TMEM74: variants seen among roughly 807,000 people sequenced by gnomAD.
The protein encoded by TMEM74 is transmembrane protein 74.
A neutral mutation model predicts 18.1 loss-of-function variants in TMEM74; 13 were observed. That is an observed-to-expected ratio of 0.72 (90% CI 0.47 to 1.14). The LOEUF is 1.14. TMEM74 is among the 50% of genes most tolerant of loss of function. The probability of loss-of-function intolerance (pLI) is 0.00; values close to 1 mark genes in which losing one functional copy is unlikely to be tolerated. For missense variants in TMEM74, 372 were observed against 375.9 expected, an observed-to-expected ratio of 0.99 and a Z score of 0.09; for synonymous variants, 159 against 146.6, an observed-to-expected ratio of 1.08 and a Z score of -0.61.
At chr8:108,673,137 G>A (rs1813020133) in intron 1 of TMEM74, among the ~76,000 whole-genome samples, 1 of 152,178 alleles carries the variant, frequency 6.6e-6, no homozygotes, top group African/African-American at 2.4e-5. Context: ...AATGCCCAAG[G>A]AAGTAATAGC....
intron 1 of TMEM74, among the ~76,000 whole-genome samples, chr8:108,707,744 A>G (rs1468079617): frequency 1.3e-5 from 2 of 152,170 alleles, no homozygotes; most frequent in Non-Finnish European, 2.9e-5. Context: ...AAAATCTTAG[A>G]AGGAAACATA....
At chr8:108,671,295 T>A (rs1480109578) in intron 1 of TMEM74, among the ~76,000 whole-genome samples, 1 of 152,140 alleles carries the variant, frequency 6.6e-6, no homozygotes, top group East Asian at 1.9e-4. Flanking sequence ...TCCCACAATA[T>A]CTTGGTTTTC....
intron 1 of TMEM74, among the ~76,000 whole-genome samples, chr8:108,678,613 T>C (rs1005460489): frequency 6.6e-6 from 1 of 151,124 alleles, no homozygotes; most frequent in African/African-American, 2.4e-5. Context: ...CCTCAAGTGA[T>C]CCTCCCGCTT....
chr8:108,625,740 C>A (rs1049165631), intron 2 of TMEM74, among the ~76,000 whole-genome samples: 22 of 151,878 alleles, frequency 1.4e-4, no homozygotes, highest in African/African-American at 5.3e-4. Flanking sequence ...TTGATAAAAT[C>A]TAGTTATTTT....
intron 1 of TMEM74, among the ~76,000 whole-genome samples, chr8:108,747,414 G>A (rs888106779): frequency 3.9e-5 from 6 of 152,134 alleles, no homozygotes; most frequent in African/African-American, 1.4e-4. Flanking sequence ...CAGGGTAAAG[G>A]TGAAATGTGG....
chr8:108,772,174 A>T (rs1814180668), intron 1 of TMEM74, among the ~76,000 whole-genome samples: 1 of 134,798 alleles, frequency 7.4e-6, no homozygotes, highest in Admixed American at 6.9e-5. Flanking sequence ...GTCCAGGTGG[A>T]ATTCATTGTT....
rs1238243506 is a variant in TMEM74, at chr8:108,678,544, TG to T, written n.120-23108del. Among the ~76,000 whole-genome samples, 59 of 150,182 alleles carry T rather than the reference TG, an allele frequency of 3.9e-4. No individual in the cohort carries two copies. In the South Asian group the frequency reaches 0.012, roughly 31 times the overall value. On this transcript the variant is annotated intron_variant and non_coding_transcript_variant, in intron 1 of 3. Coordinates refer to the TMEM74 transcript ENST00000518838. ...TGCACCCAGCTATTTTTTTTTTTTT[TG>T]TATTTTTAGTAGAGACAAGGTCTCG...
chr8:108,742,940 T>C (rs1363813079), intron 1 of TMEM74, among the ~76,000 whole-genome samples: 2 of 152,218 alleles, frequency 1.3e-5, no homozygotes, highest in Non-Finnish European at 2.9e-5. Flanking sequence ...AGGAAAGCCG[T>C]AAATCAATAG....
At chr8:108,753,004 C>G (rs1166989182) in intron 1 of TMEM74, among the ~76,000 whole-genome samples, 1 of 152,034 alleles carries the variant, frequency 6.6e-6, no homozygotes, top group African/African-American at 2.4e-5. Flanking sequence ...CACAGCCATA[C>G]TTTTGTCACA....
intron 1 of TMEM74, among the ~76,000 whole-genome samples, chr8:108,751,929 T>C (rs913546876): frequency 5.9e-5 from 9 of 152,114 alleles, no homozygotes; most frequent in African/African-American, 2.2e-4. Flanking sequence ...GCAGGGAACT[T>C]GCCTTACCAG....
downstream of TMEM74, among the ~76,000 whole-genome samples, chr8:108,777,585 G>C (rs957019280): frequency 1.4e-4 from 21 of 152,050 alleles, no homozygotes; most frequent in African/African-American, 5.1e-4. Context: ...ATTTTCTTTA[G>C]TTTATAAAAT....
In TMEM74 at chr8:108,619,644, C is replaced by T. The variant is rs182316389; in HGVS notation, n.265-10818G>A. 2.0e-3 allele frequency among the ~76,000 whole-genome samples: 311 copies of T among 152,292 alleles called. 1 individual carries two copies. Among genetic ancestry groups the T allele is most frequent in the African/African-American group, 7.0e-3 (293 of 41,574 alleles). On this transcript the variant is annotated intron_variant and non_coding_transcript_variant, in intron 2 of 3. Coordinates refer to the TMEM74 transcript ENST00000518838. ...CTTTCCAGTAGGAGCTTAAGCATAGCTCCTGCTCTGAAAGAGTTGAAGCCT... is the reference window on the plus strand; with the variant it reads ...CTTTCCAGTAGGAGCTTAAGCATAGTTCCTGCTCTGAAAGAGTTGAAGCCT...
chr8:108,629,952 T>C (rs538084967), intron 2 of TMEM74, among the ~76,000 whole-genome samples: 2 of 152,190 alleles, frequency 1.3e-5, no homozygotes, highest in South Asian at 4.1e-4. Flanking sequence ...CCAGCGAGCA[T>C]CTTGATTACA....
At chr8:108,690,195 A>T (rs1813211349) in intron 1 of TMEM74, among the ~76,000 whole-genome samples, 1 of 152,132 alleles carries the variant, frequency 6.6e-6, no homozygotes, top group African/African-American at 2.4e-5. Context: ...GCTTAATTGA[A>T]ATTCATCAGT....
intron 1 of TMEM74, among the ~76,000 whole-genome samples, chr8:108,733,500 T>C (rs1813716276): frequency 6.6e-6 from 1 of 152,094 alleles, no homozygotes; most frequent in Admixed American, 6.5e-5. Context: ...GGAGAGGAGT[T>C]ACTGGAAAGG....
Position 108,784,891 on chromosome 8 carries a change from A to G in TMEM74, c.208T>C (p.Ser70Pro). Residue 70 changes from serine (S) to proline (P), a missense_variant, in exon 2 of 2, where the codon TCT becomes CCT. Ser to Pro is a moderately conservative substitution (Grantham distance 74, BLOSUM62 -1). Coordinates refer to ENST00000297459, the MANE Select transcript of TMEM74 (RefSeq NM_153015.3). Reference sequence around the variant, plus strand: ...GGCTGAAGAGTACTGTTTTGCAGAGAGGAGGAGGGGGATGCTGGAGAAGAA... The same window carrying G: ...GGCTGAAGAGTACTGTTTTGCAGAGGGGAGGAGGGGGATGCTGGAGAAGAA... ...LSSSPASPSS[S>P]LQNSTLQPDA... The G allele has an allele frequency of 1.2e-6, 2 of 1,614,078 alleles. No homozygotes were observed. The highest frequency in any genetic ancestry group is 1.7e-6 in the Non-Finnish European group (2 of 1,180,006).
At chr8:108,676,834 T>A (rs1813060471) in intron 1 of TMEM74, among the ~76,000 whole-genome samples, 1 of 152,192 alleles carries the variant, frequency 6.6e-6, no homozygotes, top group Non-Finnish European at 1.5e-5. Flanking sequence ...GAATAAATAA[T>A]GACTTCTTGT....
At chr8:108,682,322 A>T (rs995916504) in intron 1 of TMEM74, among the ~76,000 whole-genome samples, 1 of 151,984 alleles carries the variant, frequency 6.6e-6, no homozygotes, top group African/African-American at 2.4e-5. Context: ...CCTAACATCT[A>T]TCATCATTCT....
chr8:108,632,743 CTG>C (rs777166062), intron 2 of TMEM74, among the ~76,000 whole-genome samples: 39 of 152,046 alleles, frequency 2.6e-4, no homozygotes, highest in Non-Finnish European at 4.7e-4. Flanking sequence ...TGCCTCTTGG[CTG>C]TGTCATTTTC....
Sources: allele counts gnomAD v4.1 joint callset (sites outside exome capture counted in the v4.1 genomes callset), GRCh38; gene constraint gnomAD v4.1.1; transcripts MANE v1.5; gene names NCBI Gene and HGNC (gene_info 2026-07-23, HGNC 2026-07-21).